The following DIPK1A variants were observed in gnomAD, a reference collection of about 807,000 sequenced individuals.
DIPK1A encodes divergent protein kinase domain 1A.
DIPK1A carries 27 observed loss-of-function variants against 40.8 expected under a neutral mutation model. That is an observed-to-expected ratio of 0.66 (90% CI 0.49 to 0.91). The LOEUF is 0.91. Among genes scored for constraint, DIPK1A ranks in the 40% least tolerant of loss-of-function variants. The pLI is 0.00. For synonymous variants in DIPK1A, 166 were observed against 171.3 expected, an observed-to-expected ratio of 0.97 and a Z score of 0.24; for missense variants, 412 against 505.7, an observed-to-expected ratio of 0.81 and a Z score of 1.78.
intron 2 of DIPK1A, among the ~76,000 whole-genome samples, chr1:92,861,620 C>T (rs747516923): frequency 6.6e-6 from 1 of 152,082 alleles, no homozygotes; most frequent in Non-Finnish European, 1.5e-5. Context: ...AGCTGCTGCG[C>T]TCAGCCAATA....
intron 1 of DIPK1A, among the ~76,000 whole-genome samples, chr1:92,897,683 T>G (rs60165854): frequency 0.033 from 4,945 of 152,016 alleles, 256 homozygotes; most frequent in African/African-American, 0.11. Context: ...TTTTCATTTC[T>G]TCATTGACCC....
chr1:92,948,246 G>T (rs944353100), intron 1 of DIPK1A, among the ~76,000 whole-genome samples: 1 of 152,136 alleles, frequency 6.6e-6, no homozygotes, highest in Non-Finnish European at 1.5e-5. Context: ...AAAGAGGAAA[G>T]GTAGGGTAGA....
intron 2 of DIPK1A, among the ~76,000 whole-genome samples, chr1:92,865,243 G>C (rs1186652825): frequency 6.6e-6 from 1 of 151,416 alleles, no homozygotes; most frequent in Non-Finnish European, 1.5e-5. Flanking sequence ...CATGCCTGTA[G>C]TCTCAGCTAC....
At chr1:92,951,246 A>C (rs1000241099) in intron 1 of DIPK1A, among the ~76,000 whole-genome samples, 2 of 152,222 alleles carry the variant, frequency 1.3e-5, no homozygotes, top group Non-Finnish European at 2.9e-5. Context: ...GACTCCACCC[A>C]TAGTTGCTGG....
At chr1:92,887,980 T>G (rs1166518963) in intron 1 of DIPK1A, among the ~76,000 whole-genome samples, 2 of 151,936 alleles carry the variant, frequency 1.3e-5, no homozygotes, top group Admixed American at 6.6e-5. Flanking sequence ...TAATCTAGTA[T>G]GGAACACTAT....
chr1:92,862,965 C>T (rs1467127780), intron 2 of DIPK1A, among the ~76,000 whole-genome samples: 1 of 152,232 alleles, frequency 6.6e-6, no homozygotes, highest in Non-Finnish European at 1.5e-5. Context: ...GAGCAAAATA[C>T]TGCTTAGGAT....
chr1:92,910,802 C>A (rs1649799712), intron 1 of DIPK1A, among the ~76,000 whole-genome samples: 2 of 152,078 alleles, frequency 1.3e-5, no homozygotes, highest in Non-Finnish European at 2.9e-5. Flanking sequence ...TTTATTCAGA[C>A]TTCCTGTTTT....
chr1:92,891,449 T>C (rs1648872472), intron 1 of DIPK1A, among the ~76,000 whole-genome samples: 1 of 152,228 alleles, frequency 6.6e-6, no homozygotes, highest in Non-Finnish European at 1.5e-5. Flanking sequence ...AATTTCCCTC[T>C]TAATCTGCTG....
chr1:92,851,656 G>GA (rs1310618979), intron 2 of DIPK1A, among the ~76,000 whole-genome samples: 1 of 150,578 alleles, frequency 6.6e-6, no homozygotes. Flanking sequence ...ACAAGAAAGG[G>GA]AAAAAAACCC....
chr1:92,951,694 T>C (rs889229914), intron 1 of DIPK1A, among the ~76,000 whole-genome samples: 1 of 152,190 alleles, frequency 6.6e-6, no homozygotes, highest in Non-Finnish European at 1.5e-5. Flanking sequence ...TATTAAGAGA[T>C]GTAACTTTGA....
chr1:92,880,597 G>A (rs1281699095), intron 1 of DIPK1A, among the ~76,000 whole-genome samples: 4 of 152,150 alleles, frequency 2.6e-5, no homozygotes, highest in Non-Finnish European at 4.4e-5. Flanking sequence ...CTGGCCACGC[G>A]GTGGCTCACG....
chr1:92,857,195 ATCAGGCAGGATAAGAGAGCT>A (rs1427540245), intron 2 of DIPK1A, among the ~76,000 whole-genome samples: 1 of 152,242 alleles, frequency 6.6e-6, no homozygotes, highest in African/African-American at 2.4e-5. Flanking sequence ...GAAGGAGAAT[ATCAGGCAGGATAAGAGAGCT>A]TCAACTATAC....
intron 1 of DIPK1A, among the ~76,000 whole-genome samples, chr1:92,888,594 T>C (rs1373806403): frequency 6.6e-6 from 1 of 152,224 alleles, no homozygotes; most frequent in Non-Finnish European, 1.5e-5. Context: ...TTGCAGTGTT[T>C]TGAGGAACCT....
At chr1:92,844,678 C>T (rs1309026699) in intron 4 of DIPK1A, among the ~76,000 whole-genome samples, 1 of 152,102 alleles carries the variant, frequency 6.6e-6, no homozygotes, top group Non-Finnish European at 1.5e-5. Context: ...ATCCTCCTAC[C>T]TCAGCCTCCC....
intron 2 of DIPK1A, among the ~76,000 whole-genome samples, chr1:92,853,781 A>C (rs1427755967): frequency 6.6e-6 from 1 of 152,248 alleles, no homozygotes; most frequent in Non-Finnish European, 1.5e-5. Flanking sequence ...TTAGAGAAGG[A>C]ATTTCAGCCA....
intron 1 of DIPK1A, among the ~76,000 whole-genome samples, chr1:92,884,736 C>T (rs1648520434): frequency 6.6e-6 from 1 of 152,114 alleles, no homozygotes; most frequent in Non-Finnish European, 1.5e-5. Context: ...TAAAGTTTAA[C>T]TCTGTTTTAC....
Position 92,843,969 on chromosome 1 carries a change from GTATAT to G in DIPK1A, c.696_700del (p.Glu232AspfsTer13). On this transcript the variant is annotated frameshift_variant, in exon 5 of 5. Coordinates refer to ENST00000370310, the MANE Select transcript of DIPK1A (RefSeq NM_001006605.5). LOFTEE classifies it high-confidence loss of function. Reference sequence around the variant, plus strand: ...AGGAAGGCTTATTCCATAAAGAGAGGTATATTCAACACTTTCCATCACATAGAGGT... The same window carrying G: ...AGGAAGGCTTATTCCATAAAGAGAGGTCAACACTTTCCATCACATAGAGGT... 1 of 1,551,908 alleles carries G rather than the reference GTATAT, an allele frequency of 6.4e-7. No homozygotes were observed. Among genetic ancestry groups the G allele is most frequent in the Non-Finnish European group, 8.7e-7 (1 of 1,147,014 alleles).
intron 1 of DIPK1A, among the ~76,000 whole-genome samples, chr1:92,927,868 A>T (rs1289088228): frequency 1.3e-5 from 2 of 152,280 alleles, no homozygotes; most frequent in South Asian, 2.1e-4. Context: ...GCTGATGGAC[A>T]TTTGGATTGT....
intron 2 of DIPK1A, among the ~76,000 whole-genome samples, chr1:92,873,104 A>T (rs935811244): frequency 6.6e-6 from 1 of 152,140 alleles, no homozygotes; most frequent in Non-Finnish European, 1.5e-5. Flanking sequence ...AGGCCATAAA[A>T]GTCAGCTCAC....
Sources: gnomAD v4.1 joint callset for allele counts (sites outside exome capture counted in the v4.1 genomes callset) on GRCh38, gnomAD v4.1.1 for gene constraint, MANE v1.5 for transcripts, NCBI Gene and HGNC (gene_info 2026-07-23, HGNC 2026-07-21) for gene names.